The following CTNNA2 variants were observed in gnomAD, a reference collection of about 807,000 sequenced individuals.
CTNNA2 encodes catenin alpha-2.
A neutral mutation model predicts 101.0 loss-of-function variants in CTNNA2; 42 were observed. That is an observed-to-expected ratio of 0.42 (90% CI 0.32 to 0.54). The LOEUF (loss-of-function observed/expected upper bound fraction) is 0.54, where lower values mean the gene tolerates loss of function less well. CTNNA2 is among the 20% of genes least tolerant of loss of function. The probability of loss-of-function intolerance (pLI) is 0.14; values close to 1 mark genes in which losing one functional copy is unlikely to be tolerated. For missense variants in CTNNA2, 871 were observed against 1,223.1 expected (o/e 0.71, Z 4.29); for synonymous variants, 450 against 456.4 (o/e 0.99, Z 0.18).
At chr2:79,854,703 GC>G (rs1308493227) in intron 3 of CTNNA2, among the ~76,000 whole-genome samples, 1 of 152,122 alleles carries the variant, frequency 6.6e-6, no homozygotes, top group African/African-American at 2.4e-5. Context: ...GGTTGTAGTG[GC>G]TAGAGGACAT....
At chr2:79,371,789 A>G (rs1322713245) in intron 3 of CTNNA2, among the ~76,000 whole-genome samples, 1 of 152,036 alleles carries the variant, frequency 6.6e-6, no homozygotes, top group Non-Finnish European at 1.5e-5. Context: ...TGACACCCTT[A>G]ATGATTCTGA....
At chr2:79,516,159 A>G (rs1479204594) in intron 1 of CTNNA2, among the ~76,000 whole-genome samples, 2 of 152,202 alleles carry the variant, frequency 1.3e-5, no homozygotes, top group Non-Finnish European at 2.9e-5. Flanking sequence ...TTTCATCTAT[A>G]AAATGAAAAT....
At chr2:80,176,921 G>A (rs1573308122) in intron 7 of CTNNA2, among the ~76,000 whole-genome samples, 1 of 152,094 alleles carries the variant, frequency 6.6e-6, no homozygotes, top group African/African-American at 2.4e-5. Context: ...GAGAAATGAC[G>A]CTTCCATTTC....
intron 3 of CTNNA2, among the ~76,000 whole-genome samples, chr2:79,364,701 G>A (rs536756262): frequency 6.6e-6 from 1 of 152,242 alleles, no homozygotes; most frequent in East Asian, 1.9e-4. Flanking sequence ...GAAGCCTAGA[G>A]AAGACCCAGA....
intron 7 of CTNNA2, among the ~76,000 whole-genome samples, chr2:80,259,888 T>C (rs1490055712): frequency 1.3e-5 from 2 of 152,178 alleles, no homozygotes; most frequent in African/African-American, 4.8e-5. Flanking sequence ...TTAAATGAGA[T>C]TGTGGCTGCG....
intron 7 of CTNNA2, among the ~76,000 whole-genome samples, chr2:80,371,152 A>C (rs1156844773): frequency 6.6e-6 from 1 of 152,138 alleles, no homozygotes; most frequent in Middle Eastern, 3.2e-3. Context: ...GAAATTCAAG[A>C]AGAAGGTGAG....
intron 7 of CTNNA2, among the ~76,000 whole-genome samples, chr2:79,988,925 A>T (rs1275159886): frequency 6.6e-6 from 1 of 152,224 alleles, no homozygotes; most frequent in Admixed American, 6.5e-5. Flanking sequence ...TTGAATGATA[A>T]AAGTTCTTTT....
chr2:80,515,929 G>A (rs189323413), intron 9 of CTNNA2, among the ~76,000 whole-genome samples: 5 of 152,276 alleles, frequency 3.3e-5, no homozygotes, highest in Non-Finnish European at 5.9e-5. Context: ...AAAGGAACCA[G>A]TTTTGATGGT....
intron 11 of CTNNA2, among the ~76,000 whole-genome samples, chr2:80,548,050 A>G (rs1031289537): frequency 9.2e-5 from 14 of 152,112 alleles, no homozygotes; most frequent in Non-Finnish European, 1.6e-4. Context: ...CTAATCTTGT[A>G]AAAGATACCT....
intron 7 of CTNNA2, among the ~76,000 whole-genome samples, chr2:80,082,991 A>C (rs1240654198): frequency 6.6e-6 from 1 of 152,326 alleles, no homozygotes; most frequent in East Asian, 1.9e-4. Flanking sequence ...CTTATAAAAA[A>C]GCAGGGGTAT....
intron 7 of CTNNA2, among the ~76,000 whole-genome samples, chr2:79,986,037 G>A (rs986372043): frequency 1.3e-5 from 2 of 152,162 alleles, no homozygotes; most frequent in African/African-American, 4.8e-5. Context: ...GGAAGTACAT[G>A]GGATAGGTGA....
chr2:80,488,564 A>G (rs1002833946), intron 9 of CTNNA2, among the ~76,000 whole-genome samples: 2 of 152,218 alleles, frequency 1.3e-5, no homozygotes, highest in Non-Finnish European at 2.9e-5. Context: ...GTTAAAATCA[A>G]TGCTATTTCC....
At chr2:79,432,624 G>A (rs1009407199) in intron 4 of CTNNA2, among the ~76,000 whole-genome samples, 3 of 152,234 alleles carry the variant, frequency 2.0e-5, no homozygotes, top group East Asian at 3.9e-4. Context: ...TACCACAAGG[G>A]TAAAATCTGG....
At chr2:79,729,905 G>C (rs1687096548) in intron 2 of CTNNA2, among the ~76,000 whole-genome samples, 1 of 152,056 alleles carries the variant, frequency 6.6e-6, no homozygotes, top group South Asian at 2.1e-4. Context: ...ATCAAAATCA[G>C]AAAATGTCAG....
At chr2:79,497,256 C>T (rs989581654) in intron 4 of CTNNA2, among the ~76,000 whole-genome samples, 15 of 152,170 alleles carry the variant, frequency 9.9e-5, no homozygotes, top group Non-Finnish European at 1.8e-4. Flanking sequence ...CTCTGTTTCC[C>T]CAGCACGGCC....
At chr2:80,534,182 C>A (rs1238798246) in intron 9 of CTNNA2, among the ~76,000 whole-genome samples, 2 of 151,996 alleles carry the variant, frequency 1.3e-5, no homozygotes, top group Non-Finnish European at 2.9e-5. Flanking sequence ...GCTCTTCATC[C>A]CAGAAGAGCT....
intron 7 of CTNNA2, among the ~76,000 whole-genome samples, chr2:80,343,995 G>T (rs1206719772): frequency 3.9e-5 from 6 of 151,968 alleles, no homozygotes; most frequent in Non-Finnish European, 7.4e-5. Flanking sequence ...TCCAGTATTT[G>T]TATTCACCCA....
chr2:79,878,122 C>A (rs1683162809), intron 6 of CTNNA2, among the ~76,000 whole-genome samples: 1 of 152,168 alleles, frequency 6.6e-6, no homozygotes, highest in Non-Finnish European at 1.5e-5. Context: ...CAGCTTCATC[C>A]ACGTCCCTGC....
At chr2:80,380,606 G>C (rs892751182) in intron 7 of CTNNA2, among the ~76,000 whole-genome samples, 2 of 152,194 alleles carry the variant, frequency 1.3e-5, no homozygotes, top group Non-Finnish European at 2.9e-5. Flanking sequence ...CTTGTAGGAT[G>C]ATAACCTAGG....
Sources: allele counts gnomAD v4.1 joint callset (sites outside exome capture counted in the v4.1 genomes callset), GRCh38; gene constraint gnomAD v4.1.1; transcripts MANE v1.5; gene names NCBI Gene and HGNC (gene_info 2026-07-23, HGNC 2026-07-21).